SOBP: variants seen among roughly 807,000 people sequenced by gnomAD.
The protein encoded by SOBP is sine oculis-binding protein homolog.
SOBP carries 4 observed loss-of-function variants against 53.6 expected under a neutral mutation model. The observed-to-expected ratio is 0.07, with a 90% CI of 0.04 to 0.17. The LOEUF (loss-of-function observed/expected upper bound fraction) is 0.17. Among genes scored for constraint, SOBP ranks in the 10% least tolerant of loss-of-function variants. SOBP has a pLI of 1.00. For synonymous variants in SOBP, 584 were observed against 522.6 expected (o/e 1.12, Z -1.60); for missense variants, 1,088 against 1,204.7 (o/e 0.90, Z 1.43).
intron 2 of SOBP, among the ~76,000 whole-genome samples, chr6:107,504,428 A>G (rs1437766504): frequency 6.6e-6 from 1 of 152,224 alleles, no homozygotes; most frequent in Admixed American, 6.5e-5. Flanking sequence ...GCAGAGCTGA[A>G]TTAACACTGA....
intron 3 of SOBP, chr6:107,529,314 G>C (rs9486641): frequency 0.07 from 18,583 of 264,362 alleles, 904 homozygotes; most frequent in South Asian, 0.16. Context: ...GCAACAAGTA[G>C]ATTGACACAG....
intron 4 of SOBP, among the ~76,000 whole-genome samples, chr6:107,564,610 T>G (rs1784866035): frequency 8.8e-6 from 1 of 113,130 alleles, no homozygotes; most frequent in Admixed American, 8.5e-5. Flanking sequence ...TTTGTGCTTG[T>G]TTCCCTTACT....
chr6:107,503,120 A>G (rs1033170296), intron 1 of SOBP, among the ~76,000 whole-genome samples: 1 of 152,220 alleles, frequency 6.6e-6, no homozygotes, highest in African/African-American at 2.4e-5. Flanking sequence ...CTTGTAACCT[A>G]TTGTAACCTA....
rs139889589 is a variant in SOBP, at chr6:107,492,965, C to G, written c.96+2253C>G. The stretch of plus-strand genomic sequence containing the variant: ...TTTAGTAGGCATTCTTCTAATATAA[C>G]AGCACCAAAAGTCCTCACTTAAAAA... On this transcript the variant is annotated intron_variant, in intron 1 of 6. Transcript: ENST00000317357. Among the ~76,000 whole-genome samples the G allele has an allele frequency of 8.0e-3, 1,217 of 152,250 alleles. 18 individuals are homozygous for G. Among genetic ancestry groups the G allele is most frequent in the African/African-American group, 0.027 (1,142 of 41,550 alleles).
rs1047078873 is a variant in SOBP at position 107,594,459 on chromosome 6, G to A, written c.669+7284G>A. 2.0e-4 allele frequency among the ~76,000 whole-genome samples: 31 copies of A among 151,310 alleles called. 1 individual carries two copies. The highest frequency in any genetic ancestry group is 3.4e-3 in the Middle Eastern group (1 of 294). ...TGAACAGTGAAGGGGACGGCACAAAGATAATTCTTGGCACTAAGCTTAAAA... is the reference window on the plus strand; with the variant it reads ...TGAACAGTGAAGGGGACGGCACAAAAATAATTCTTGGCACTAAGCTTAAAA... On this transcript the variant is annotated intron_variant, in intron 5 of 6. Transcript: ENST00000317357.
chr6:107,630,032 T>G lies in SOBP; in HGVS notation c.670-3482T>G, dbSNP rs921075402. Among the ~76,000 whole-genome samples the G allele has an allele frequency of 2.6e-5, 4 of 152,218 alleles. No individual in the cohort carries two copies. In the East Asian group the frequency reaches 7.7e-4, roughly 29 times the overall value. ...TTTGCTGGTTGTTGGGTCCCCAGAT[T>G]GGCATCGTTAAACAGCTTCAGCCTC... On this transcript the variant is annotated intron_variant, in intron 5 of 6. Transcript: ENST00000317357.
intron 6 of SOBP, among the ~76,000 whole-genome samples, chr6:107,644,412 T>G (rs1381792338): frequency 6.6e-6 from 1 of 152,236 alleles, no homozygotes; most frequent in Non-Finnish European, 1.5e-5. Flanking sequence ...AGGGACAATT[T>G]ATTGGTGGTT....
intron 5 of SOBP, among the ~76,000 whole-genome samples, chr6:107,616,246 C>G (rs2115110902): frequency 6.6e-6 from 1 of 152,240 alleles, no homozygotes; most frequent in Middle Eastern, 3.4e-3. Flanking sequence ...CACTTAGCAT[C>G]CTGGGACCAC....
intron 1 of SOBP, among the ~76,000 whole-genome samples, chr6:107,500,818 C>A (rs1324223953): frequency 2.6e-5 from 4 of 152,182 alleles, no homozygotes; most frequent in African/African-American, 9.7e-5. Context: ...AGCCACCACA[C>A]CCAGCCTTAA....
chr6:107,594,840 A>G (rs1286317195), intron 5 of SOBP, among the ~76,000 whole-genome samples: 5 of 152,202 alleles, frequency 3.3e-5, no homozygotes, highest in Non-Finnish European at 5.9e-5. Context: ...CAGAGATGGG[A>G]TACTCCTTGC....
chr6:107,586,609 A>T (rs2115059472), intron 4 of SOBP, among the ~76,000 whole-genome samples: 1 of 152,112 alleles, frequency 6.6e-6, no homozygotes, highest in East Asian at 1.9e-4. Flanking sequence ...AATGGAGGGG[A>T]ATCAGTTTAT....
intron 5 of SOBP, among the ~76,000 whole-genome samples, chr6:107,589,362 C>T (rs1785670802): frequency 6.6e-6 from 1 of 152,200 alleles, no homozygotes; most frequent in Non-Finnish European, 1.5e-5. Context: ...GTAGACGGGA[C>T]ATTGCCTTGA....
intron 1 of SOBP, 65 bp from the exon 2 acceptor site, chr6:107,503,592 T>G (rs1583147906): frequency 6.5e-7 from 1 of 1,544,980 alleles, no homozygotes. Context: ...AGAATTCAAT[T>G]TATGCATTCT....
At position 107,490,118 on chromosome 6, in the gene SOBP, C is replaced by A; in HGVS notation, c.-499C>A. 1 of 149,584 alleles carries A rather than the reference C, an allele frequency of 6.7e-6. No homozygotes were observed. The highest frequency in any genetic ancestry group is 1.8e-4 in the South Asian group (1 of 5,432). The allele number at this position is 149,584 out of a possible 1,614,324, so 9.3% of individuals were successfully genotyped here. ...GGCGCTGGGCGCCGGGGCTGGCGCGCTCTCCCGGGCTCACACACAGCCGCG... is the reference window on the plus strand; with the variant it reads ...GGCGCTGGGCGCCGGGGCTGGCGCGATCTCCCGGGCTCACACACAGCCGCG... On this transcript the variant is annotated 5_prime_UTR_variant, in exon 1 of 7. Coordinates refer to ENST00000317357, the MANE Select transcript of SOBP (RefSeq NM_018013.4).
chr6:107,529,929 A>T (rs1437112982), intron 3 of SOBP, among the ~76,000 whole-genome samples: 2 of 152,206 alleles, frequency 1.3e-5, no homozygotes, highest in Non-Finnish European at 2.9e-5. Flanking sequence ...TAATTGAAAT[A>T]TGCTTATTTT....
chr6:107,528,758 G>T (rs1249604360), intron 3 of SOBP, among the ~76,000 whole-genome samples: 1 of 152,218 alleles, frequency 6.6e-6, no homozygotes, highest in South Asian at 2.1e-4. Flanking sequence ...TTTTTGTGGA[G>T]AGAGGTCTGT....
At chr6:107,561,565 G>T (rs1784772893) in intron 4 of SOBP, among the ~76,000 whole-genome samples, 1 of 152,168 alleles carries the variant, frequency 6.6e-6, no homozygotes, top group Non-Finnish European at 1.5e-5. Flanking sequence ...TCTCTGGGAG[G>T]AGGTGCTTTC....
intron 5 of SOBP, among the ~76,000 whole-genome samples, chr6:107,607,078 A>T (rs962620893): frequency 6.6e-6 from 1 of 152,170 alleles, no homozygotes. Flanking sequence ...AGTCCCAGGG[A>T]CGTGCTCTGG....
At chr6:107,616,088 G>GT (rs1786780056) in intron 5 of SOBP, among the ~76,000 whole-genome samples, 4 of 129,172 alleles carry the variant, frequency 3.1e-5, no homozygotes, top group Non-Finnish European at 6.6e-5. Context: ...GGGGGGTGGG[G>GT]GGGGGGCGGG....
Sources: allele counts gnomAD v4.1 joint callset (sites outside exome capture counted in the v4.1 genomes callset), GRCh38; gene constraint gnomAD v4.1.1; transcripts MANE v1.5; gene names NCBI Gene and HGNC (gene_info 2026-07-23, HGNC 2026-07-21).